The following FAM135B variants were observed in gnomAD, a reference collection of about 807,000 sequenced individuals.
FAM135B encodes protein FAM135B.
A neutral mutation model predicts 127.7 loss-of-function variants in FAM135B; 43 were observed. The observed-to-expected ratio is 0.34, with a 90% confidence interval of 0.26 to 0.43. FAM135B has a LOEUF of 0.43. Among genes scored for constraint, FAM135B ranks in the 20% least tolerant of loss-of-function variants. FAM135B has a pLI of 1.00. For synonymous variants in FAM135B, 670 were observed against 665.1 expected (o/e 1.01, Z -0.11); for missense variants, 1,558 against 1,725.6 (o/e 0.90, Z 1.72).
At chr8:138,362,818 C>G (rs1230922176) in intron 2 of FAM135B, among the ~76,000 whole-genome samples, 4 of 152,172 alleles carry the variant, frequency 2.6e-5, no homozygotes, top group African/African-American at 9.7e-5. Flanking sequence ...CTCTCATTAG[C>G]TGGTAAACAC....
At chr8:138,136,772 C>A (rs1816700273) in intron 19 of FAM135B, among the ~76,000 whole-genome samples, 1 of 152,104 alleles carries the variant, frequency 6.6e-6, no homozygotes, top group Admixed American at 6.6e-5. Flanking sequence ...ATGCCTTAGG[C>A]ATTATTTTAT....
chr8:138,491,604 C>CTCAT (rs145147091), intron 1 of FAM135B, among the ~76,000 whole-genome samples: 2,718 of 152,222 alleles, frequency 0.018, 75 homozygotes, highest in African/African-American at 0.053. Flanking sequence ...CCTACGTTCA[C>CTCAT]TCATTCATTC....
At chr8:138,286,537 G>A (rs529459772) in intron 3 of FAM135B, among the ~76,000 whole-genome samples, 2 of 152,254 alleles carry the variant, frequency 1.3e-5, no homozygotes, top group East Asian at 3.9e-4. Context: ...AGAGGCACAG[G>A]GATATTTCAC....
intron 7 of FAM135B, among the ~76,000 whole-genome samples, chr8:138,198,284 G>C (rs1428801046): frequency 1.3e-5 from 2 of 152,148 alleles, no homozygotes; most frequent in East Asian, 1.9e-4. Flanking sequence ...GATTGTGAAG[G>C]CTCCCTAGCC....
At chr8:138,316,713 G>A (rs1175316524) in intron 2 of FAM135B, among the ~76,000 whole-genome samples, 1 of 152,070 alleles carries the variant, frequency 6.6e-6, no homozygotes, top group African/African-American at 2.4e-5. Flanking sequence ...GGGCGTGGTG[G>A]CTCACGCCTG....
rs190266534 is a variant in FAM135B at position 138,373,427 on chromosome 8, T to C, written c.-19-5425A>G. ...TCTTTACTTTAATCTCTTAATCCTG[T>C]CATCTCGTAAGCCGAGGAGGATGTA... On this transcript the variant is annotated intron_variant, in intron 1 of 19. Coordinates refer to ENST00000395297, the MANE Select transcript of FAM135B (RefSeq NM_015912.4). 4.5e-3 allele frequency among the ~76,000 whole-genome samples: 674 copies of C among 150,936 alleles called. 6 individuals carry two copies. The highest frequency in any genetic ancestry group is 0.015 in the African/African-American group (629 of 40,962).
intron 1 of FAM135B, among the ~76,000 whole-genome samples, chr8:138,407,138 G>A (rs1833556836): frequency 6.6e-6 from 1 of 150,862 alleles, no homozygotes; most frequent in Non-Finnish European, 1.5e-5. Flanking sequence ...GCCAAATCAT[G>A]AGTGAACTCC....
chr8:138,273,844 C>G (rs1823588784), intron 3 of FAM135B, among the ~76,000 whole-genome samples: 1 of 152,036 alleles, frequency 6.6e-6, no homozygotes, highest in Non-Finnish European at 1.5e-5. Context: ...GGTCATGGTC[C>G]CAATTATTTT....
At chr8:138,162,372 C>T (rs915720721) in intron 12 of FAM135B, among the ~76,000 whole-genome samples, 7 of 152,218 alleles carry the variant, frequency 4.6e-5, no homozygotes, top group South Asian at 4.1e-4. Flanking sequence ...AGTGGATGCA[C>T]GTCACTCATT....
intron 6 of FAM135B, among the ~76,000 whole-genome samples, chr8:138,247,281 T>C (rs559309022): frequency 2.0e-4 from 31 of 152,344 alleles, no homozygotes; most frequent in Middle Eastern, 3.4e-3. Context: ...GGTTTGGCTA[T>C]GTCTCTACCC....
At chr8:138,442,267 T>TATATATACATATAC (rs1554694337) in intron 1 of FAM135B, among the ~76,000 whole-genome samples, 1 of 86,762 alleles carries the variant, frequency 1.2e-5, no homozygotes, top group Non-Finnish European at 2.4e-5. Flanking sequence ...TATATATATA[T>TATATATACATATAC]ATATATATAT....
chr8:138,280,288 GCTCTAGTATCAGTGAACA>G (rs1370599296), intron 3 of FAM135B, among the ~76,000 whole-genome samples: 1 of 152,172 alleles, frequency 6.6e-6, no homozygotes, highest in Admixed American at 6.5e-5. Flanking sequence ...TAGCCCGTTG[GCTCTAGTATCAGTGAACA>G]CCTAGGCCTG....
At chr8:138,260,439 G>T (rs942613550) in intron 4 of FAM135B, among the ~76,000 whole-genome samples, 4 of 152,094 alleles carry the variant, frequency 2.6e-5, no homozygotes, top group Non-Finnish European at 5.9e-5. Flanking sequence ...CGCGAAAGGG[G>T]CACTGCCTCT....
intron 1 of FAM135B, chr8:138,441,096 GA>G: frequency 6.6e-6 from 1 of 152,158 alleles, no homozygotes; most frequent in Admixed American, 6.5e-5. Context: ...AAGTGCCTTG[GA>G]TGACCGAGTG....
chr8:138,201,913 G>A (rs950130984), intron 7 of FAM135B, among the ~76,000 whole-genome samples: 3 of 151,992 alleles, frequency 2.0e-5, no homozygotes, highest in Admixed American at 6.6e-5. Context: ...ATCACAGGAG[G>A]TCGGGAGTTC....
intron 14 of FAM135B, among the ~76,000 whole-genome samples, chr8:138,146,889 A>G (rs925805913): frequency 6.6e-6 from 1 of 152,188 alleles, no homozygotes; most frequent in African/African-American, 2.4e-5. Context: ...TGTCATGTAA[A>G]TATACCCCAC....
chr8:138,488,882 G>T (rs1321409163), intron 1 of FAM135B, among the ~76,000 whole-genome samples: 4 of 152,146 alleles, frequency 2.6e-5, no homozygotes, highest in Admixed American at 1.3e-4. Context: ...GGCCAGTATG[G>T]TCTCGAGGTC....
intron 7 of FAM135B, among the ~76,000 whole-genome samples, chr8:138,200,849 T>G (rs1364491942): frequency 2.0e-5 from 3 of 152,216 alleles, no homozygotes; most frequent in Admixed American, 2.0e-4. Context: ...ATAATAGAAA[T>G]TCTTATTTCC....
intron 1 of FAM135B, among the ~76,000 whole-genome samples, chr8:138,410,869 T>C (rs1387058043): frequency 6.6e-6 from 1 of 152,114 alleles, no homozygotes; most frequent in South Asian, 2.1e-4. Context: ...AGCCAAATCA[T>C]GAGTGAACTC....
Sources: allele counts gnomAD v4.1 joint callset (sites outside exome capture counted in the v4.1 genomes callset), GRCh38; gene constraint gnomAD v4.1.1; transcripts MANE v1.5; gene names NCBI Gene and HGNC (gene_info 2026-07-23, HGNC 2026-07-21).